Variants in CGRRF1 observed in about 807,000 individuals in gnomAD.
The protein encoded by CGRRF1 is cell growth regulator with ring finger domain 1.
A neutral mutation model predicts 37.2 loss-of-function variants in CGRRF1; 32 were observed. The ratio of observed to expected loss-of-function variants is 0.86; its 90% confidence interval spans 0.65 to 1.16. CGRRF1 has a LOEUF of 1.16. Ranked by LOEUF, CGRRF1 falls within the 50% of genes most tolerant of loss-of-function variation. The pLI, the probability that CGRRF1 is intolerant of heterozygous loss-of-function variation, is 0.00. For missense variants in CGRRF1, 391 were observed against 382.6 expected, an observed-to-expected ratio of 1.02 and a Z score of -0.18; for synonymous variants, 141 against 140.3, an observed-to-expected ratio of 1.00 and a Z score of -0.04.
intron 1 of CGRRF1, among the ~76,000 whole-genome samples, chr14:54,515,416 A>G (rs1260715699): frequency 1.3e-5 from 2 of 152,058 alleles, no homozygotes; most frequent in African/African-American, 4.8e-5. Flanking sequence ...ATAAGTGTCA[A>G]TTAAGTCAAA....
chr14:54,524,154 C>T (rs2032369307), intron 2 of CGRRF1, among the ~76,000 whole-genome samples: 1 of 152,134 alleles, frequency 6.6e-6, no homozygotes, highest in Non-Finnish European at 1.5e-5. Context: ...CCCCAGCAGT[C>T]ATCAAATCCA....
intron 1 of CGRRF1, among the ~76,000 whole-genome samples, chr14:54,511,459 T>C (rs1327225972): frequency 6.6e-6 from 1 of 152,232 alleles, no homozygotes; most frequent in Non-Finnish European, 1.5e-5. Flanking sequence ...AGAAAAGCAG[T>C]CTTAACACAA....
chr14:54,518,790 T>C (rs1161702342), intron 1 of CGRRF1, among the ~76,000 whole-genome samples: 3 of 152,152 alleles, frequency 2.0e-5, no homozygotes, highest in Admixed American at 2.0e-4. Context: ...TTTAATGGGG[T>C]TGTTTTTTTC....
At chr14:54,522,735 T>C (rs1566509218) in intron 2 of CGRRF1, 142 bp downstream of exon 2, 3 of 725,570 alleles carry the variant, frequency 4.1e-6, no homozygotes, top group Non-Finnish European at 4.5e-6. Flanking sequence ...GGTGCTGTAC[T>C]GTATATGACA....
chr14:54,526,764 AAC>A (rs2032418353), intron 2 of CGRRF1, among the ~76,000 whole-genome samples: 1 of 152,204 alleles, frequency 6.6e-6, no homozygotes, highest in Non-Finnish European at 1.5e-5. Context: ...GTTAGAAAAA[AAC>A]ACAATGTACA....
rs2032383797 is a variant in CGRRF1, at chr14:54,524,733, A to G, written c.244+2140A>G. ...TTTCTTATTCATCCTCTTTAGCTGT[A>G]AATACTATTACCCTATGAATTGATG... is the stretch of plus-strand genomic sequence containing the variant. On this transcript the variant is annotated intron_variant, in intron 2 of 5. Transcript: ENST00000216420. 7.2e-5 allele frequency among the ~76,000 whole-genome samples: 11 copies of G among 152,202 alleles called. 1 individual carries two copies. The South Asian group carries it at 2.3e-3, about 32-fold the overall frequency.
intron 2 of CGRRF1, among the ~76,000 whole-genome samples, chr14:54,527,399 C>T (rs994535240): frequency 6.6e-6 from 1 of 152,042 alleles, no homozygotes; most frequent in African/African-American, 2.4e-5. Flanking sequence ...CAACATGGCA[C>T]ATGTATACAT....
intron 4 of CGRRF1, 179 bp from the exon 5 acceptor site, chr14:54,537,543 T>G (rs1360412142): frequency 1.8e-6 from 1 of 553,982 alleles, no homozygotes; most frequent in Non-Finnish European, 2.7e-6. Context: ...TCTGCAGTGA[T>G]TATGATTTAA....
intron 1 of CGRRF1, among the ~76,000 whole-genome samples, chr14:54,516,727 C>T (rs765979459): frequency 2.0e-5 from 3 of 152,066 alleles, no homozygotes; most frequent in Non-Finnish European, 4.4e-5. Context: ...GGAAGGTTTT[C>T]GCCATTATGT....
chr14:54,527,163 G>A (rs559400107), intron 2 of CGRRF1, among the ~76,000 whole-genome samples: 5 of 152,132 alleles, frequency 3.3e-5, no homozygotes, highest in Non-Finnish European at 7.4e-5. Flanking sequence ...GTGATGTCAT[G>A]TGTGTACTGA....
At chr14:54,514,308 T>A (rs1358023340) in intron 1 of CGRRF1, among the ~76,000 whole-genome samples, 1 of 152,208 alleles carries the variant, frequency 6.6e-6, no homozygotes, top group Non-Finnish European at 1.5e-5. Context: ...AATGTAACAC[T>A]AGATCAGATC....
intron 2 of CGRRF1, among the ~76,000 whole-genome samples, chr14:54,528,631 T>C (rs144548106): frequency 7.0e-4 from 106 of 152,338 alleles, no homozygotes; most frequent in African/African-American, 2.5e-3. Flanking sequence ...TGATTTTGTA[T>C]GTGTGTGTAT....
intron 4 of CGRRF1, among the ~76,000 whole-genome samples, chr14:54,533,131 A>T (rs1411165426): frequency 6.6e-6 from 1 of 151,354 alleles, no homozygotes; most frequent in Non-Finnish European, 1.5e-5. Context: ...CTGTCCAAAC[A>T]GGGAGTGATT....
intron 1 of CGRRF1, among the ~76,000 whole-genome samples, chr14:54,517,468 T>A (rs2032236843): frequency 6.6e-6 from 1 of 152,202 alleles, no homozygotes; most frequent in Non-Finnish European, 1.5e-5. Flanking sequence ...GTGTTAGACT[T>A]GTGTGTTTTG....
At chr14:54,530,494 A>G (rs1223920389) in intron 3 of CGRRF1, 1 of 1,198,458 alleles carries the variant, frequency 8.3e-7, no homozygotes, top group Admixed American at 2.5e-5. Flanking sequence ...TTTTTGGTAT[A>G]CTAGAAGCAT....
intron 4 of CGRRF1, among the ~76,000 whole-genome samples, chr14:54,533,159 A>T (rs997342256): frequency 5.9e-5 from 9 of 151,518 alleles, no homozygotes; most frequent in Admixed American, 2.0e-4. Flanking sequence ...TGTGTGGTAA[A>T]ATATATATAT....
chr14:54,520,492 A>C (rs74854422), intron 1 of CGRRF1, among the ~76,000 whole-genome samples: 237 of 152,314 alleles, frequency 1.6e-3, no homozygotes, highest in African/African-American at 5.5e-3. Context: ...TCATCTATAC[A>C]GCTTAAGCCT....
intron 1 of CGRRF1, chr14:54,510,406 G>A: frequency 3.0e-6 from 1 of 331,992 alleles, no homozygotes; most frequent in East Asian, 8.3e-5. Context: ...GTAGGCTTCT[G>A]TCCCGGATTC....
intron 1 of CGRRF1, among the ~76,000 whole-genome samples, chr14:54,519,982 A>G (rs1210763876): frequency 3.9e-5 from 6 of 152,240 alleles, no homozygotes. Flanking sequence ...ATGCCCTTCA[A>G]AGTGAGTTGT....
Sources: allele counts gnomAD v4.1 joint callset (sites outside exome capture counted in the v4.1 genomes callset), GRCh38; gene constraint gnomAD v4.1.1; transcripts MANE v1.5; gene names NCBI Gene and HGNC (gene_info 2026-07-23, HGNC 2026-07-21).